The following PCDHGB2 variants were observed in gnomAD, a reference collection of about 807,000 sequenced individuals.
PCDHGB2 encodes the protein protocadherin gamma-B2.
In PCDHGB2, 55 loss-of-function variants were observed where a neutral mutation model predicts 59.3. The observed-to-expected ratio is 0.93, with a 90% CI of 0.75 to 1.16. PCDHGB2 has a LOEUF of 1.16. Among genes scored for constraint, PCDHGB2 ranks in the 50% most tolerant of loss-of-function variants. The pLI is 0.00. For missense variants in PCDHGB2, 1,228 were observed against 1,198.5 expected (o/e 1.02, Z -0.36); for synonymous variants, 516 against 512.0 (o/e 1.01, Z -0.11).
intron 1 of PCDHGB2, chr5:141,388,813 T>G: frequency 6.2e-7 from 1 of 1,613,884 alleles, no homozygotes; most frequent in Non-Finnish European, 8.5e-7. Flanking sequence ...TTTGAAGAAG[T>G]CAAAGAATAT....
intron 1 of PCDHGB2, among the ~76,000 whole-genome samples, chr5:141,387,384 A>G (rs897106394): frequency 6.6e-6 from 1 of 152,208 alleles, no homozygotes; most frequent in Non-Finnish European, 1.5e-5. Flanking sequence ...CTTTATATAG[A>G]TAGTGCATGT....
intron 1 of PCDHGB2, among the ~76,000 whole-genome samples, chr5:141,466,614 G>A (rs75804312): frequency 1.4e-3 from 218 of 152,142 alleles, no homozygotes; most frequent in Middle Eastern, 6.8e-3. Context: ...GTAAACTGCC[G>A]TTTTCTTTGG....
intron 1 of PCDHGB2, chr5:141,419,861 T>G (rs749551833): frequency 6.2e-7 from 1 of 1,614,098 alleles, no homozygotes; most frequent in Non-Finnish European, 8.5e-7. Context: ...CGCAGATAGC[T>G]TGCAAGAGGT....
intron 1 of PCDHGB2, chr5:141,419,206 G>A: frequency 1.9e-6 from 3 of 1,613,876 alleles, no homozygotes; most frequent in Non-Finnish European, 1.7e-6. Flanking sequence ...ATGACAACGC[G>A]CCGGTTTTCG....
intron 1 of PCDHGB2, among the ~76,000 whole-genome samples, chr5:141,488,969 CCAAT>C (rs1303368467): frequency 4.6e-5 from 7 of 152,106 alleles, no homozygotes; most frequent in Non-Finnish European, 7.4e-5. Context: ...GACTTTTTGG[CCAAT>C]CAGACTCAGA....
intron 1 of PCDHGB2, among the ~76,000 whole-genome samples, chr5:141,463,205 A>T (rs2099054933): frequency 6.6e-6 from 1 of 152,080 alleles, no homozygotes; most frequent in Non-Finnish European, 1.5e-5. Context: ...AGACTTGGGG[A>T]TCCATATTAA....
intron 1 of PCDHGB2, chr5:141,412,984 C>A: frequency 1.8e-6 from 1 of 558,874 alleles, no homozygotes; most frequent in Non-Finnish European, 3.0e-6. Context: ...GCAGCCAGAG[C>A]TCAATCCGGA....
intron 1 of PCDHGB2, chr5:141,388,664 G>A: frequency 1.2e-6 from 2 of 1,613,908 alleles, no homozygotes; most frequent in South Asian, 2.2e-5. Context: ...CGGGGACCAC[G>A]GTGCTACAGG....
At chr5:141,481,913 C>CAAA (rs34114744) in intron 1 of PCDHGB2, among the ~76,000 whole-genome samples, 3 of 90,796 alleles carry the variant, frequency 3.3e-5, no homozygotes, top group Non-Finnish European at 4.4e-5. Flanking sequence ...AACTCCATCT[C>CAAA]AAAAAAAAAA....
At chr5:141,404,147 G>C in intron 1 of PCDHGB2, 1 of 1,612,990 alleles carries the variant, frequency 6.2e-7, no homozygotes, top group African/African-American at 1.3e-5. Context: ...AAATTCAGAA[G>C]AAGATTATTA....
chr5:141,415,041 G>T, intron 1 of PCDHGB2: 1 of 1,613,530 alleles, frequency 6.2e-7, no homozygotes, highest in Non-Finnish European at 8.5e-7. Flanking sequence ...GACTCTTCGC[G>T]GTGGGGGAGC....
At chr5:141,478,483 G>A in intron 1 of PCDHGB2, 13 of 1,613,548 alleles carry the variant, frequency 8.1e-6, no homozygotes, top group Non-Finnish European at 1.1e-5. Flanking sequence ...AGAACACGCT[G>A]CGGAGCTGTG....
chr5:141,453,387 G>A (rs1313174494), intron 1 of PCDHGB2, among the ~76,000 whole-genome samples: 1 of 151,936 alleles, frequency 6.6e-6, no homozygotes, highest in Non-Finnish European at 1.5e-5. Flanking sequence ...TCCTGCCTTA[G>A]CCTCCAAGTG....
In PCDHGB2 at chr5:141,485,233, C is replaced by T; in HGVS notation, c.2422-9574C>T. 1.2e-6 allele frequency: 2 copies of T among 1,614,182 alleles called. No individual in the cohort carries two copies. The highest frequency in any genetic ancestry group is 1.7e-6 in the Non-Finnish European group (2 of 1,180,030). ...GGCGGTGGGCTACCCTTTTGTTCCTCTTTTACCACCTGGGTTACGTTTGTG... is the reference window on the plus strand; with the variant it reads ...GGCGGTGGGCTACCCTTTTGTTCCTTTTTTACCACCTGGGTTACGTTTGTG... On this transcript the variant is annotated intron_variant, in intron 1 of 3. Transcript: ENST00000522605. This position sits in a 1 kb window ranked among gnomAD's most constrained non-coding sequence, Gnocchi z 5.7.
rs2096779089 is a variant in PCDHGB2, at chr5:141,423,760, G to GA, written c.2421+61204_2421+61205insA. On this transcript the variant is annotated intron_variant, in intron 1 of 3. Transcript: ENST00000522605. ...GTTATGAAAACTGTTTGGGGGGGGG[G>GA]TGGGGCGGCATATATTTAGTTCATA... 1.1e-5 allele frequency: 3 copies of GA among 279,664 alleles called. 1 individual carries two copies. Among genetic ancestry groups the GA allele is most frequent in the African/African-American group, 6.7e-5 (2 of 29,702 alleles). The allele number at this position is 279,664 out of a possible 1,614,324, so 17.3% of individuals were successfully genotyped here.
At chr5:141,371,483 G>T in intron 1 of PCDHGB2, 1 of 1,613,952 alleles carries the variant, frequency 6.2e-7, no homozygotes, top group Non-Finnish European at 8.5e-7. Context: ...CTGAGCTGGG[G>T]ACTGCCGTTG....
chr5:141,446,558 T>G (rs1413501675), intron 1 of PCDHGB2, among the ~76,000 whole-genome samples: 3 of 151,788 alleles, frequency 2.0e-5, no homozygotes, highest in Non-Finnish European at 1.5e-5. Flanking sequence ...CTCACTGCAA[T>G]CTCTGCCTCC....
At chr5:141,484,950 T>G in intron 1 of PCDHGB2, 1 of 561,950 alleles carries the variant, frequency 1.8e-6, no homozygotes, top group Non-Finnish European at 3.2e-6. Context: ...GCTCAGCCTA[T>G]TGGCTGAGCC....
rs1218338018 is a variant in PCDHGB2 at position 141,360,109 on chromosome 5, G to T, written c.-27G>T. On this transcript the variant is annotated 5_prime_UTR_variant, in exon 1 of 4. An upstream start codon of the reference 5' UTR is lost. Transcript: ENST00000522605. ...TCCCCGGAAGGCTTATTCCTCCTAT[G>T]GGCAAAGGAGCAAAGGGAGCCAGAA... The T allele has an allele frequency of 1.9e-6, 3 of 1,561,508 alleles. No individual in the cohort carries two copies. The highest frequency in any genetic ancestry group is 2.7e-5 in the African/African-American group (2 of 73,382).
Sources: allele counts gnomAD v4.1 joint callset (sites outside exome capture counted in the v4.1 genomes callset), GRCh38; gene constraint gnomAD v4.1.1; non-coding constraint Gnocchi (gnomAD v3.1); transcripts MANE v1.5; gene names NCBI Gene and HGNC (gene_info 2026-07-23, HGNC 2026-07-21).